SRGAP2: variants seen among roughly 807,000 people sequenced by gnomAD.
SRGAP2 encodes SLIT-ROBO Rho GTPase-activating protein 2.
Under a neutral mutation model 57.2 loss-of-function variants are expected in SRGAP2, and 15 were observed. The ratio of observed to expected loss-of-function variants is 0.26; its 90% CI spans 0.18 to 0.40. The LOEUF is 0.40. SRGAP2 is among the 10% of genes least tolerant of loss of function. The probability of loss-of-function intolerance (pLI) is 1.00; values close to 1 mark genes in which losing one functional copy is unlikely to be tolerated. For synonymous variants in SRGAP2, 249 were observed against 248.0 expected (o/e 1.00, Z -0.04); for missense variants, 520 against 669.6 (o/e 0.78, Z 2.47).
chr1:206,408,574 A>C (rs1553358262), intron 10 of SRGAP2, among the ~76,000 whole-genome samples: 1 of 152,016 alleles, frequency 6.6e-6, no homozygotes, highest in Non-Finnish European at 1.5e-5. Flanking sequence ...GTCTGTCTGG[A>C]CTGCTTAGAT....
chr1:206,229,484 C>T (rs1212348863), intron 2 of SRGAP2, among the ~76,000 whole-genome samples: 1 of 152,184 alleles, frequency 6.6e-6, no homozygotes, highest in South Asian at 2.1e-4. Flanking sequence ...TTGGCTGTGC[C>T]GCAACTGAGC....
chr1:206,259,762 A>T (rs1669432473), intron 2 of SRGAP2, among the ~76,000 whole-genome samples: 1 of 149,570 alleles, frequency 6.7e-6, no homozygotes, highest in Non-Finnish European at 1.5e-5. Context: ...TTAAATATTA[A>T]TAAATTTATT....
At chr1:206,291,122 A>C (rs1671294709) in intron 2 of SRGAP2, among the ~76,000 whole-genome samples, 1 of 151,600 alleles carries the variant, frequency 6.6e-6, no homozygotes, top group Non-Finnish European at 1.5e-5. Context: ...CCAGCCTAGC[A>C]CTAAAAGATT....
At chr1:206,257,649 A>AG (rs1200750041) in intron 2 of SRGAP2, among the ~76,000 whole-genome samples, 2 of 135,806 alleles carry the variant, frequency 1.5e-5, no homozygotes, top group African/African-American at 5.4e-5. Context: ...CTGGGAACCT[A>AG]GGGGGTGAGT....
chr1:206,287,717 T>C (rs2102706634), intron 2 of SRGAP2, among the ~76,000 whole-genome samples: 1 of 55,304 alleles, frequency 1.8e-5, no homozygotes, highest in East Asian at 6.6e-4. Context: ...AGTCTTAATG[T>C]AAAGAGAAGC....
intron 3 of SRGAP2, among the ~76,000 whole-genome samples, chr1:206,322,449 A>G (rs1319971004): frequency 2.6e-5 from 4 of 151,854 alleles, no homozygotes; most frequent in Non-Finnish European, 4.4e-5. Flanking sequence ...GCGTGGTGGC[A>G]GGCGCCTGTG....
At chr1:206,240,265 C>CAA (rs72152960) in intron 2 of SRGAP2, among the ~76,000 whole-genome samples, 3,434 of 83,940 alleles carry the variant, frequency 0.041, 58 homozygotes, top group African/African-American at 0.048. Context: ...GACAACGTCT[C>CAA]AAAAAAAAAA....
intron 2 of SRGAP2, among the ~76,000 whole-genome samples, chr1:206,230,668 C>A (rs1283654228): frequency 1.3e-5 from 2 of 148,372 alleles, no homozygotes; most frequent in East Asian, 4.0e-4. Flanking sequence ...GCTCTGTCGC[C>A]CAGGCTGGAG....
At chr1:206,419,107 A>G (rs1340415907) in intron 11 of SRGAP2, among the ~76,000 whole-genome samples, 1 of 152,180 alleles carries the variant, frequency 6.6e-6, no homozygotes, top group African/African-American at 2.4e-5. Flanking sequence ...GGGAAGCAGA[A>G]TTGGCCCTAA....
At chr1:206,303,675 C>G (rs1158783140) in intron 3 of SRGAP2, among the ~76,000 whole-genome samples, 2 of 152,276 alleles carry the variant, frequency 1.3e-5, no homozygotes, top group African/African-American at 4.8e-5. Context: ...AGATGATGAA[C>G]CATGCTAATA....
chr1:206,459,006 C>T, intron 22 of SRGAP2, 59 bp downstream of exon 22: 1 of 660,944 alleles, frequency 1.5e-6, no homozygotes, highest in Non-Finnish European at 2.8e-6. Flanking sequence ...CCACTTAGTG[C>T]CACCCACCTA....
At chr1:206,411,242 G>A (rs187911189) in intron 10 of SRGAP2, among the ~76,000 whole-genome samples, 11 of 152,340 alleles carry the variant, frequency 7.2e-5, no homozygotes, top group East Asian at 1.9e-4. Context: ...GATCATGGCC[G>A]ATAAAGTAAC....
At chr1:206,428,453 A>G (rs1348882583) in intron 13 of SRGAP2, among the ~76,000 whole-genome samples, 1 of 151,118 alleles carries the variant, frequency 6.6e-6, no homozygotes, top group Non-Finnish European at 1.5e-5. Flanking sequence ...AAGAAATTGT[A>G]TATATAAAAT....
intron 4 of SRGAP2, among the ~76,000 whole-genome samples, chr1:206,354,945 A>G (rs1467832636): frequency 7.2e-5 from 11 of 152,152 alleles, no homozygotes; most frequent in African/African-American, 2.7e-4. Context: ...AAAATTTAAA[A>G]ATACAGAAAG....
intron 3 of SRGAP2, among the ~76,000 whole-genome samples, chr1:206,309,126 G>A (rs1237842389): frequency 1.1e-3 from 151 of 143,094 alleles, no homozygotes; most frequent in South Asian, 3.6e-3. Flanking sequence ...TGACTGCACC[G>A]CTGCACACCA....
chr1:206,213,204 T>C (rs1235797599), intron 2 of SRGAP2: 2 of 151,968 alleles, frequency 1.3e-5, no homozygotes, highest in African/African-American at 4.9e-5. Context: ...AAAAAAATTA[T>C]CTGGGTGTGA....
chr1:206,208,798 G>C (rs1166205304), intron 2 of SRGAP2, among the ~76,000 whole-genome samples: 2 of 151,862 alleles, frequency 1.3e-5, no homozygotes, highest in East Asian at 3.9e-4. Context: ...GAAAATTGCT[G>C]TAACAGCTAT....
At position 206,372,977 on chromosome 1, in the gene SRGAP2, C is replaced by CT. The variant is rs1180853263; in HGVS notation, c.424-11034dup. 5.0e-5 allele frequency among the ~76,000 whole-genome samples: 2 copies of CT among 40,350 alleles called. 1 individual carries two copies. The highest frequency in any genetic ancestry group is 5.5e-4 in the Admixed American group (2 of 3,606). 26.5% of individuals were successfully genotyped at this position (40,350 alleles called of 152,430 possible). A position where few individuals can be genotyped will look rare whatever the true frequency, so the allele number is the denominator to read the frequency against. On this transcript the variant is annotated intron_variant, in intron 4 of 22. Transcript: ENST00000573034. The stretch of plus-strand genomic sequence containing the variant: ...TTTCTTTTCTTTCCTTTCTTTCTTT[C>CT]TTTCTTTCTTTCTTTCTTTCTTTCT...
chr1:206,312,876 G>A (rs1234509208), intron 3 of SRGAP2, among the ~76,000 whole-genome samples: 2 of 151,878 alleles, frequency 1.3e-5, no homozygotes, highest in East Asian at 3.9e-4. Flanking sequence ...TTGTTGCTGA[G>A]CCTTTGATTG....
Sources: allele counts gnomAD v4.1 joint callset (sites outside exome capture counted in the v4.1 genomes callset), GRCh38; gene constraint gnomAD v4.1.1; transcripts MANE v1.5; gene names NCBI Gene and HGNC (gene_info 2026-07-23, HGNC 2026-07-21).